CPNE4: variants seen among roughly 807,000 people sequenced by gnomAD.
CPNE4 encodes copine 4.
A neutral mutation model predicts 67.9 loss-of-function variants in CPNE4; 25 were observed. The ratio of observed to expected loss-of-function variants is 0.37; its 90% CI spans 0.27 to 0.51. CPNE4 has a LOEUF of 0.51. Ranked by LOEUF, CPNE4 falls within the 20% of genes least tolerant of loss-of-function variation. The pLI is 0.93. For missense variants in CPNE4, 464 were observed against 690.8 expected (o/e 0.67, Z 3.68); for synonymous variants, 242 against 244.9 (o/e 0.99, Z 0.11).
At chr3:131,713,178 C>A (rs2081600800) in intron 3 of CPNE4, among the ~76,000 whole-genome samples, 1 of 152,108 alleles carries the variant, frequency 6.6e-6, no homozygotes, top group Non-Finnish European at 1.5e-5. Context: ...CATCCAGCTC[C>A]AAAGCTCTTG....
chr3:131,624,288 A>T (rs1321843385), intron 7 of CPNE4, among the ~76,000 whole-genome samples: 1 of 152,174 alleles, frequency 6.6e-6, no homozygotes, highest in Non-Finnish European at 1.5e-5. Flanking sequence ...TGGCCTTAGA[A>T]CATAGCTTTC....
intron 7 of CPNE4, among the ~76,000 whole-genome samples, chr3:131,604,859 C>A (rs2107730732): frequency 6.6e-6 from 1 of 152,184 alleles, no homozygotes; most frequent in South Asian, 2.1e-4. Flanking sequence ...CAAGTCTTGG[C>A]AGTCAGAGGT....
At chr3:131,587,762 CT>C (rs1005533531) in intron 7 of CPNE4, among the ~76,000 whole-genome samples, 180 bp from the exon 8 acceptor site, 1 of 152,176 alleles carries the variant, frequency 6.6e-6, no homozygotes, top group Non-Finnish European at 1.5e-5. Context: ...TTTACTTGGA[CT>C]TTTTGTAATC....
At position 131,662,804 on chromosome 3, in the gene CPNE4, C is replaced by T. The variant is rs538043219; in HGVS notation, c.681+6871G>A. ...GTTAGAATGTTGATTATTAAAAAGT[C>T]GGGAAACAACAGATGCTGGTGAGGC... On this transcript the variant is annotated intron_variant, in intron 7 of 15. Transcript: ENST00000429747. 4.7e-4 allele frequency among the ~76,000 whole-genome samples: 71 copies of T among 152,230 alleles called. 1 individual carries two copies. The highest frequency in any genetic ancestry group is 1.5e-3 in the African/African-American group (63 of 41,538).
intron 7 of CPNE4, among the ~76,000 whole-genome samples, chr3:131,614,146 G>A (rs903345492): frequency 5.3e-5 from 8 of 152,262 alleles, no homozygotes; most frequent in Admixed American, 4.6e-4. Flanking sequence ...ATAAAAGACA[G>A]TGAGACTTAC....
intron 2 of CPNE4, among the ~76,000 whole-genome samples, chr3:131,727,703 C>T (rs2082033599): frequency 6.6e-6 from 1 of 152,170 alleles, no homozygotes; most frequent in South Asian, 2.1e-4. Context: ...AGAGAGTGAG[C>T]ATATCCATGC....
At chr3:131,715,195 C>T (rs1275026149) in intron 3 of CPNE4, among the ~76,000 whole-genome samples, 4 of 152,218 alleles carry the variant, frequency 2.6e-5, no homozygotes, top group South Asian at 4.2e-4. Context: ...TTTTGGTTTT[C>T]GGAGGTTGAC....
intron 7 of CPNE4, among the ~76,000 whole-genome samples, chr3:131,589,725 A>G (rs1466700032): frequency 6.6e-6 from 1 of 152,250 alleles, no homozygotes; most frequent in Non-Finnish European, 1.5e-5. Context: ...AGAAAAACTA[A>G]TTTCTCAGCT....
intron 2 of CPNE4, among the ~76,000 whole-genome samples, chr3:131,739,515 T>C (rs1399715651): frequency 6.6e-6 from 1 of 152,234 alleles, no homozygotes; most frequent in Non-Finnish European, 1.5e-5. Flanking sequence ...TGTGTCTGCA[T>C]GTCTTACCAT....
chr3:131,961,171 A>C (rs945631909), intron 1 of CPNE4, among the ~76,000 whole-genome samples: 6 of 152,232 alleles, frequency 3.9e-5, no homozygotes, highest in African/African-American at 1.4e-4. Context: ...AAAGTTAAAA[A>C]GAAGAAGAAA....
Position 131,978,187 on chromosome 3 carries a change from T to C in CPNE4, c.-2+56380A>G, listed in dbSNP as rs866386387. On this transcript the variant is annotated intron_variant, in intron 1 of 15. Coordinates refer to ENST00000429747, the MANE Select transcript of CPNE4 (RefSeq NM_130808.3). The stretch of plus-strand genomic sequence containing the variant: ...TATATAAATATGTAAATATATATAA[T>C]ATATTTATAATTATTATATATAATA... Among the ~76,000 whole-genome samples the C allele has an allele frequency of 2.4e-3, 132 of 55,296 alleles. 23 individuals carry two copies. The highest frequency in any genetic ancestry group is 0.016 in the African/African-American group (132 of 8,244). The allele number at this position is 55,296 out of a possible 152,430, so 36.3% of individuals were successfully genotyped here.
intron 1 of CPNE4, among the ~76,000 whole-genome samples, chr3:131,928,479 CT>C (rs1025466807): frequency 1.3e-5 from 2 of 152,116 alleles, no homozygotes; most frequent in African/African-American, 2.4e-5. Flanking sequence ...CCCCCAATGC[CT>C]TTTTTTCTTT....
At chr3:131,958,884 T>C (rs2072071188) in intron 1 of CPNE4, among the ~76,000 whole-genome samples, 1 of 149,636 alleles carries the variant, frequency 6.7e-6, no homozygotes, top group Non-Finnish European at 1.5e-5. Flanking sequence ...GGTCTCGAAC[T>C]CCCGACCTCG....
chr3:131,536,915 C>T (rs756611943), intron 15 of CPNE4, among the ~76,000 whole-genome samples: 1 of 152,186 alleles, frequency 6.6e-6, no homozygotes, highest in Non-Finnish European at 1.5e-5. Flanking sequence ...GCTTCCTTTA[C>T]ATCTAGGGAT....
At position 131,782,015 on chromosome 3, in the gene CPNE4, A is replaced by T. The variant is rs145450028; in HGVS notation, c.181-58390T>A. On this transcript the variant is annotated intron_variant, in intron 2 of 15. Transcript: ENST00000429747. Reference sequence around the variant, plus strand: ...TTGAGTGAGTGAATGAATGAATGAGAACGTGAGAATATGAGATAATTAATA... The same window carrying T: ...TTGAGTGAGTGAATGAATGAATGAGTACGTGAGAATATGAGATAATTAATA... 4.0e-3 allele frequency among the ~76,000 whole-genome samples: 605 copies of T among 152,226 alleles called. 6 individuals carry two copies. The highest frequency in any genetic ancestry group is 0.014 in the African/African-American group (573 of 41,562).
chr3:131,815,837 G>A (rs1303983249), intron 2 of CPNE4, among the ~76,000 whole-genome samples: 2 of 152,188 alleles, frequency 1.3e-5, no homozygotes, highest in East Asian at 3.8e-4. Flanking sequence ...ATCAGCAGAG[G>A]GGTCCAGAGA....
At chr3:131,670,610 C>T (rs1020697665) in intron 6 of CPNE4, among the ~76,000 whole-genome samples, 1 of 152,182 alleles carries the variant, frequency 6.6e-6, no homozygotes, top group Non-Finnish European at 1.5e-5. Flanking sequence ...GCTGCATCAC[C>T]TGGAAACTTC....
chr3:131,586,045 T>TGTTA (rs60703455), intron 8 of CPNE4, among the ~76,000 whole-genome samples: 4,003 of 152,308 alleles, frequency 0.026, 90 homozygotes, highest in African/African-American at 0.067. Flanking sequence ...TCTAAAAAAA[T>TGTTA]GTTAGTTCAT....
At chr3:131,985,015 C>T (rs545841535) in intron 1 of CPNE4, among the ~76,000 whole-genome samples, 2 of 152,312 alleles carry the variant, frequency 1.3e-5, no homozygotes, top group East Asian at 3.9e-4. Flanking sequence ...GACTGCATGA[C>T]TTATAAACAA....
Sources: gnomAD v4.1 joint callset for allele counts (sites outside exome capture counted in the v4.1 genomes callset) on GRCh38, gnomAD v4.1.1 for gene constraint, MANE v1.5 for transcripts, NCBI Gene and HGNC (gene_info 2026-07-23, HGNC 2026-07-21) for gene names.